BEGAIN: variants seen among roughly 807,000 people sequenced by gnomAD.
The protein encoded by BEGAIN is brain-enriched guanylate kinase-associated protein.
Under a neutral mutation model 35.8 loss-of-function variants are expected in BEGAIN, and 19 were observed. The ratio of observed to expected loss-of-function variants is 0.53; its 90% confidence interval spans 0.37 to 0.78. The LOEUF is 0.78. BEGAIN is among the 30% of genes least tolerant of loss of function. The probability of loss-of-function intolerance (pLI) is 0.00; values close to 1 mark genes in which losing one functional copy is unlikely to be tolerated. For synonymous variants in BEGAIN, 462 were observed against 388.6 expected (o/e 1.19, Z -2.22); for missense variants, 795 against 853.6 (o/e 0.93, Z 0.85).
At chr14:100,554,109 A>G (rs2033472828) in intron 2 of BEGAIN, among the ~76,000 whole-genome samples, 1 of 152,160 alleles carries the variant, frequency 6.6e-6, no homozygotes, top group African/African-American at 2.4e-5. Flanking sequence ...GGACGGTCAC[A>G]TGAGCTCCAG....
In BEGAIN at chr14:100,538,934, C is replaced by T. The variant is rs1185563674; in HGVS notation, c.874G>A (p.Ala292Thr). 1.6e-6 allele frequency: 2 copies of T among 1,281,868 alleles called. No individual in the cohort carries two copies. Among genetic ancestry groups the T allele is most frequent in the East Asian group, 6.1e-5 (2 of 32,678 alleles). The allele number at this position is 1,281,868 out of a possible 1,614,324, so 79.4% of individuals were successfully genotyped here. A position where few individuals can be genotyped will look rare whatever the true frequency, so the allele number is the denominator to read the frequency against. The change falls in exon 7 of 7, where the codon GCC becomes ACC. Residue 292 changes from alanine (A) to threonine (T), a missense_variant. This residue lies in a region of BEGAIN where 664 missense variants were observed against 647.7 expected (regional missense o/e 1.03). Transcript: ENST00000554140. The stretch of plus-strand genomic sequence containing the variant: ...CCCGCCGGGAAGGCCGCCGCCTCGG[C>T]CTCCTCCTCCTCCTCGGCCGCGCTG... ...TDSAAEEEEE[A>T]EAAAFPAGFQ...
intron 1 of BEGAIN, chr14:100,569,012 C>T (rs1293583210): frequency 1.1e-6 from 1 of 927,420 alleles, no homozygotes. Flanking sequence ...CCCACCGCCC[C>T]GCCGGGCGAG....
At chr14:100,545,821 A>G (rs962062136) in intron 3 of BEGAIN, among the ~76,000 whole-genome samples, 1 of 152,086 alleles carries the variant, frequency 6.6e-6, no homozygotes, top group Non-Finnish European at 1.5e-5. Context: ...AGAGGGACAA[A>G]CCCTCTCCCT....
In BEGAIN at chr14:100,567,424, C is replaced by T. The variant is rs911168806; in HGVS notation, c.71+487G>A. On this transcript the variant is annotated intron_variant, in intron 2 of 6. Transcript: ENST00000554140. The surrounding 1 kb of genome is among the most constrained non-coding windows in gnomAD (Gnocchi z 5.1). Reference sequence around the variant, plus strand: ...CCGCGAGGACTCCATCCCCCACCCCCGCCCCCCAGAGGCGGACACTTAAAA... The same window carrying T: ...CCGCGAGGACTCCATCCCCCACCCCTGCCCCCCAGAGGCGGACACTTAAAA... 8.5e-5 allele frequency among the ~76,000 whole-genome samples: 13 copies of T among 152,146 alleles called. No homozygotes were observed. Among genetic ancestry groups the T allele is most frequent in the African/African-American group, 3.1e-4 (13 of 41,576 alleles).
At chr14:100,579,259 A>G (rs538055876) in intron 1 of BEGAIN, among the ~76,000 whole-genome samples, 24 of 152,306 alleles carry the variant, frequency 1.6e-4, no homozygotes, top group South Asian at 4.1e-4. Flanking sequence ...CAATTCTCCA[A>G]TGATATACAG....
At chr14:100,554,421 A>G (rs2033505952) in intron 2 of BEGAIN, among the ~76,000 whole-genome samples, 1 of 152,090 alleles carries the variant, frequency 6.6e-6, no homozygotes, top group Non-Finnish European at 1.5e-5. Flanking sequence ...CTGGCCCCAC[A>G]GTGTCATGCT....
At chr14:100,577,294 CTG>C (rs989714679) in intron 1 of BEGAIN, 95 of 398,968 alleles carry the variant, frequency 2.4e-4, no homozygotes, top group Non-Finnish European at 9.3e-5. Flanking sequence ...GAAGAGACCT[CTG>C]GGGTTGAGAC....
Position 100,567,537 on chromosome 14 carries a change from G to A in BEGAIN, c.71+374C>T, listed in dbSNP as rs896221268. ...GGTCGGGGGAGAGAGCGCCGGGGCA[G>A]TGCGGAACGGCACGAACGGAACCCG... On this transcript the variant is annotated intron_variant, in intron 2 of 6. Coordinates refer to ENST00000554140, the MANE Select transcript of BEGAIN (RefSeq NM_001385089.1). The surrounding 1 kb of genome is among the most constrained non-coding windows in gnomAD (Gnocchi z 5.1). Among the ~76,000 whole-genome samples, 6 of 152,060 alleles carry A rather than the reference G, an allele frequency of 3.9e-5. No homozygotes were observed. Among genetic ancestry groups the A allele is most frequent in the Non-Finnish European group, 8.8e-5 (6 of 67,970 alleles).
rs112542037 is a variant in BEGAIN at position 100,571,827 on chromosome 14, C to G, written c.43-3888G>C. On this transcript the variant is annotated intron_variant, in intron 1 of 6. Transcript: ENST00000554140. Reference sequence around the variant, plus strand: ...CACCTGGCCCATCCCTGTCTTAGGGCCTTTGCACTGGTTCCTTGCACCTGG... The same window carrying G: ...CACCTGGCCCATCCCTGTCTTAGGGGCTTTGCACTGGTTCCTTGCACCTGG... Among the ~76,000 whole-genome samples, 72 of 152,342 alleles carry G rather than the reference C, an allele frequency of 4.7e-4. 1 individual carries two copies. Among genetic ancestry groups the G allele is most frequent in the African/African-American group, 1.7e-3 (72 of 41,582 alleles).
rs753622654 is a variant in BEGAIN at position 100,538,709 on chromosome 14, G to T, written c.1099C>A (p.Arg367Ser). 1 of 1,562,994 alleles carries T rather than the reference G, an allele frequency of 6.4e-7. No homozygotes were observed. ...ACCGCGGCCGTGGCCTTGGCAAAGC[G>T]AGGGCTGCCCTCGTAGGTGGTGGCG... is the stretch of plus-strand genomic sequence containing the variant. ...PPATTYEGSP[R>S]FAKATAAVAA... The change falls in exon 7 of 7, where the codon CGC becomes AGC. Residue 367 changes from arginine (R) to serine (S), a missense_variant. By Grantham distance (110) the Arg-to-Ser change is moderately radical (BLOSUM62 -1). Around this residue, in one of 3 missense-constraint regions of BEGAIN, gnomAD observed 664 missense variants for 647.7 expected, o/e 1.03. Coordinates refer to ENST00000554140, the MANE Select transcript of BEGAIN (RefSeq NM_001385089.1).
intron 1 of BEGAIN, among the ~76,000 whole-genome samples, chr14:100,572,411 C>G (rs2035104916): frequency 6.6e-6 from 1 of 152,318 alleles, no homozygotes; most frequent in East Asian, 1.9e-4. Context: ...AGGACAGAGG[C>G]CTGGGTTCCT....
At position 100,567,340 on chromosome 14, in the gene BEGAIN, C is replaced by T. The variant is rs1320561874; in HGVS notation, c.71+571G>A. Among the ~76,000 whole-genome samples, 1 of 152,198 alleles carries T rather than the reference C, an allele frequency of 6.6e-6. No individual in the cohort carries two copies. Among genetic ancestry groups the T allele is most frequent in the Non-Finnish European group, 1.5e-5 (1 of 68,020 alleles). Reference sequence around the variant, plus strand: ...GGGAGGGAGGCCGCGGGGGACACTCCCCAGAAGCTGTCGCGGGATTCCCCC... The same window carrying T: ...GGGAGGGAGGCCGCGGGGGACACTCTCCAGAAGCTGTCGCGGGATTCCCCC... On this transcript the variant is annotated intron_variant, in intron 2 of 6. Transcript: ENST00000554140. This position sits in a 1 kb window ranked among gnomAD's most constrained non-coding sequence, Gnocchi z 5.1.
intron 2 of BEGAIN, among the ~76,000 whole-genome samples, chr14:100,564,276 G>A (rs919959185): frequency 9.9e-5 from 15 of 152,212 alleles, no homozygotes; most frequent in African/African-American, 3.4e-4. Context: ...GCCTATCACA[G>A]TTCACGACTT....
intron 2 of BEGAIN, among the ~76,000 whole-genome samples, chr14:100,551,957 C>G (rs1225700093): frequency 6.6e-6 from 1 of 152,172 alleles, no homozygotes; most frequent in African/African-American, 2.4e-5. Context: ...GCAAATGACC[C>G]CGGTGCTGCT....
intron 6 of BEGAIN, among the ~76,000 whole-genome samples, chr14:100,539,830 G>C (rs2031301933): frequency 6.6e-6 from 1 of 152,004 alleles, no homozygotes; most frequent in South Asian, 2.1e-4. Flanking sequence ...GGCCAGGGCT[G>C]AGAGCGCCTG....
At position 100,537,875 on chromosome 14, in the gene BEGAIN, G is replaced by C; in HGVS notation, c.*94C>G. On this transcript the variant is annotated 3_prime_UTR_variant, in exon 7 of 7. Transcript: ENST00000554140. ...GACTCCTCGTTGTTGGCCGGGGCAG[G>C]GGAACAGCGGGGGCTGGGGAGAGGT... 1 of 1,460,386 alleles carries C rather than the reference G, an allele frequency of 6.8e-7. No homozygotes were observed. The highest frequency in any genetic ancestry group is 1.4e-5 in the South Asian group (1 of 72,594). The allele number at this position is 1,460,386 out of a possible 1,614,324, so 90.5% of individuals were successfully genotyped here. A position where few individuals can be genotyped will look rare whatever the true frequency, so the allele number is the denominator to read the frequency against.
intron 4 of BEGAIN, among the ~76,000 whole-genome samples, 153 bp from the exon 5 acceptor site, chr14:100,544,118 C>T (rs542573059): frequency 1.3e-5 from 2 of 152,276 alleles, no homozygotes; most frequent in East Asian, 3.9e-4. Context: ...CACAGACAGA[C>T]CCTGGTTCAA....
At position 100,558,813 on chromosome 14, in the gene BEGAIN, C is replaced by T. The variant is rs1566972081; in HGVS notation, c.71+9098G>A. Among the ~76,000 whole-genome samples the T allele has an allele frequency of 6.6e-6, 1 of 152,232 alleles. No individual in the cohort carries two copies. ...AAGTGACTGCCGCACAGCCCCATGGCAGTCTCAGCTACTCTCATCTGCTCT... is the reference window on the plus strand; with the variant it reads ...AAGTGACTGCCGCACAGCCCCATGGTAGTCTCAGCTACTCTCATCTGCTCT... On this transcript the variant is annotated intron_variant, in intron 2 of 6. Coordinates refer to ENST00000554140, the MANE Select transcript of BEGAIN (RefSeq NM_001385089.1). The surrounding 1 kb of genome is among the most constrained non-coding windows in gnomAD (Gnocchi z 4.6).
intron 2 of BEGAIN, among the ~76,000 whole-genome samples, chr14:100,556,494 A>T (rs949798697): frequency 6.6e-6 from 1 of 152,004 alleles, no homozygotes; most frequent in African/African-American, 2.4e-5. Context: ...TCACTCCTGG[A>T]CCTTGGCACA....
Sources: allele counts gnomAD v4.1 joint callset (sites outside exome capture counted in the v4.1 genomes callset), GRCh38; gene constraint gnomAD v4.1.1; regional missense constraint gnomAD v4.1.1; non-coding constraint Gnocchi (gnomAD v3.1); transcripts MANE v1.5; gene names NCBI Gene and HGNC (gene_info 2026-07-23, HGNC 2026-07-21).